RYR2: variants seen among roughly 807,000 people sequenced by gnomAD.
RYR2 encodes the protein cardiac muscle ryanodine receptor-calcium release channel.
Under a neutral mutation model 601.1 loss-of-function variants are expected in RYR2, and 227 were observed. The ratio of observed to expected loss-of-function variants is 0.38; its 90% CI spans 0.34 to 0.42. The LOEUF (loss-of-function observed/expected upper bound fraction) is 0.42, where lower values mean the gene tolerates loss of function less well. Ranked by LOEUF, RYR2 falls within the 10% of genes least tolerant of loss-of-function variation. RYR2 has a pLI of 1.00. For synonymous variants in RYR2, 2,223 were observed against 2,175.1 expected, an observed-to-expected ratio of 1.02 and a Z score of -0.61; for missense variants, 4,646 against 6,156.5, an observed-to-expected ratio of 0.75 and a Z score of 8.21.
chr1:237,202,389 T>C (rs1681292010), intron 1 of RYR2, among the ~76,000 whole-genome samples: 1 of 152,186 alleles, frequency 6.6e-6, no homozygotes, highest in Non-Finnish European at 1.5e-5. Context: ...TTTTACAAAT[T>C]ATACCTGTAC....
intron 77 of RYR2, among the ~76,000 whole-genome samples, chr1:237,731,450 G>T (rs531074968): frequency 6.6e-6 from 1 of 152,056 alleles, no homozygotes; most frequent in Non-Finnish European, 1.5e-5. Flanking sequence ...TATTATTTAC[G>T]TATCATGCTG....
rs775228348 is a variant in RYR2 at position 237,783,751 on chromosome 1, T to C, written c.12039T>C (p.Ile4013=). The C allele has an allele frequency of 4.3e-6, 7 of 1,612,708 alleles. No individual in the cohort carries two copies. The African/African-American group carries it at 6.7e-5, about 15-fold the overall frequency. The part of the protein sequence containing the change: ...LVESSNNVEM[I]LKFFDMFLKL... Reference sequence around the variant, plus strand: ...AATCTTCCAACAACGTGGAGATGATTCTCAAATTTTTTGACATGTTCTTAA... The same window carrying C: ...AATCTTCCAACAACGTGGAGATGATCCTCAAATTTTTTGACATGTTCTTAA... The change falls in exon 90 of 105, where the codon ATT becomes ATC. Residue 4013 remains isoleucine (I), a synonymous_variant. Coordinates refer to ENST00000366574, the MANE Select transcript of RYR2 (RefSeq NM_001035.3).
At chr1:237,286,910 TA>T (rs1558558810) in intron 2 of RYR2, among the ~76,000 whole-genome samples, 1 of 152,158 alleles carries the variant, frequency 6.6e-6, no homozygotes, top group South Asian at 2.1e-4. Flanking sequence ...TTTTGTTTTA[TA>T]GGTCCTGTGT....
intron 12 of RYR2, 107 bp from the exon 13 acceptor site, chr1:237,441,212 A>C (rs940395072): frequency 5.9e-5 from 69 of 1,168,624 alleles, no homozygotes; most frequent in Admixed American, 2.2e-4. Flanking sequence ...GGGACTTCAG[A>C]GGGCTGAATT....
At chr1:237,771,865 A>G in intron 85 of RYR2, 147 bp from the exon 86 acceptor site, 1 of 590,068 alleles carries the variant, frequency 1.7e-6, no homozygotes, top group Non-Finnish European at 3.0e-6. Flanking sequence ...GAAAATATAA[A>G]TTATTTTCAT....
At chr1:237,343,467 C>T (rs1336005470) in intron 3 of RYR2, among the ~76,000 whole-genome samples, 1 of 152,056 alleles carries the variant, frequency 6.6e-6, no homozygotes, top group African/African-American at 2.4e-5. Context: ...GCTACAGAGG[C>T]CTCTTCCAGA....
chr1:237,340,499 A>G (rs527604233), intron 3 of RYR2, among the ~76,000 whole-genome samples: 2 of 152,314 alleles, frequency 1.3e-5, no homozygotes, highest in East Asian at 3.9e-4. Context: ...CTCCCCTTGT[A>G]CGTCCTCATA....
chr1:237,644,997 T>C (rs973094193), intron 48 of RYR2, among the ~76,000 whole-genome samples: 3 of 152,186 alleles, frequency 2.0e-5, no homozygotes, highest in African/African-American at 7.2e-5. Context: ...ATTGCACCAC[T>C]TCATTCCAGC....
At chr1:237,216,666 G>C (rs12402734) in intron 1 of RYR2, among the ~76,000 whole-genome samples, 1 of 151,674 alleles carries the variant, frequency 6.6e-6, no homozygotes, top group Non-Finnish European at 1.5e-5. Context: ...GAACCCAGGA[G>C]GTGGAGGTTG....
intron 1 of RYR2, among the ~76,000 whole-genome samples, chr1:237,059,598 A>G (rs1296731182): frequency 6.6e-6 from 1 of 152,196 alleles, no homozygotes; most frequent in East Asian, 1.9e-4. Context: ...AAACTGAAAT[A>G]CTGAGAGTAT....
Position 237,667,876 on chromosome 1 carries a change from A to G in RYR2, c.8515-7A>G, listed in dbSNP as rs766622060. 30 of 1,566,316 alleles carry G rather than the reference A, an allele frequency of 1.9e-5. No individual in the cohort carries two copies. The East Asian group carries it at 6.1e-4, about 32-fold the overall frequency. Reference sequence around the variant, plus strand: ...ATTGAAACGATAAATATTTTTGTTCATTTAAGGCTATGGCAGAAATGATGG... The same window carrying G: ...ATTGAAACGATAAATATTTTTGTTCGTTTAAGGCTATGGCAGAAATGATGG... On this transcript the variant is annotated splice_region_variant and splice_polypyrimidine_tract_variant and intron_variant, in intron 57 of 104. Coordinates refer to ENST00000366574, the MANE Select transcript of RYR2 (RefSeq NM_001035.3).
At chr1:237,452,107 A>T (rs72767714) in intron 14 of RYR2, among the ~76,000 whole-genome samples, 1 of 127,370 alleles carries the variant, frequency 7.9e-6, no homozygotes, top group African/African-American at 3.4e-5. Flanking sequence ...GTGTGTGTGT[A>T]TGTGTGTGTA....
chr1:237,716,360 T>G (rs928516878), intron 71 of RYR2, among the ~76,000 whole-genome samples: 5 of 152,072 alleles, frequency 3.3e-5, no homozygotes, highest in African/African-American at 1.2e-4. Context: ...TTTTTCATTA[T>G]CATTTCATTA....
chr1:237,693,120 A>T (rs1281024472), intron 63 of RYR2, among the ~76,000 whole-genome samples: 1 of 152,170 alleles, frequency 6.6e-6, no homozygotes, highest in East Asian at 1.9e-4. Flanking sequence ...TACATTCACG[A>T]ATGACACAGC....
At chr1:237,555,398 T>A (rs2148148731) in intron 27 of RYR2, among the ~76,000 whole-genome samples, 1 of 152,192 alleles carries the variant, frequency 6.6e-6, no homozygotes, top group South Asian at 2.1e-4. Flanking sequence ...GTGATGACAG[T>A]CAATATATTT....
chr1:237,128,483 G>A (rs1407940262), intron 1 of RYR2, among the ~76,000 whole-genome samples: 2 of 152,192 alleles, frequency 1.3e-5, no homozygotes, highest in Non-Finnish European at 2.9e-5. Context: ...TAGCAAAGAA[G>A]GTGGTATAGC....
At chr1:237,641,287 A>G (rs1041509775) in intron 47 of RYR2, among the ~76,000 whole-genome samples, 7 of 152,048 alleles carry the variant, frequency 4.6e-5, no homozygotes, top group African/African-American at 9.7e-5. Flanking sequence ...AAAAGAACAT[A>G]TTTTCTCTAT....
At chr1:237,219,295 G>A (rs1397964297) in intron 1 of RYR2, among the ~76,000 whole-genome samples, 1 of 152,126 alleles carries the variant, frequency 6.6e-6, no homozygotes, top group East Asian at 1.9e-4. Context: ...TGTGATTACA[G>A]GCATGAGCCA....
At chr1:237,387,013 A>G (rs1345729267) in intron 8 of RYR2, among the ~76,000 whole-genome samples, 3 of 152,264 alleles carry the variant, frequency 2.0e-5, no homozygotes, top group Non-Finnish European at 4.4e-5. Context: ...ATCTTGTTAC[A>G]AATAAACTTA....
Sources: gnomAD v4.1 joint callset for allele counts (sites outside exome capture counted in the v4.1 genomes callset) on GRCh38, gnomAD v4.1.1 for gene constraint, MANE v1.5 for transcripts, NCBI Gene and HGNC (gene_info 2026-07-23, HGNC 2026-07-21) for gene names.